The following ZBTB7C variants were observed in gnomAD, a reference collection of about 807,000 sequenced individuals.
ZBTB7C encodes the protein zinc finger and BTB domain-containing protein 7C.
A neutral mutation model predicts 25.7 loss-of-function variants in ZBTB7C; 8 were observed. The ratio of observed to expected loss-of-function variants is 0.31; its 90% CI spans 0.18 to 0.56. ZBTB7C has a LOEUF of 0.56. Among genes scored for constraint, ZBTB7C ranks in the 20% least tolerant of loss-of-function variants. The pLI is 0.91. For missense variants in ZBTB7C, 824 were observed against 855.2 expected (o/e 0.96, Z 0.46); for synonymous variants, 394 against 369.0 (o/e 1.07, Z -0.78).
chr18:48,295,429 A>G (rs2045359314), intron 2 of ZBTB7C, among the ~76,000 whole-genome samples: 2 of 152,094 alleles, frequency 1.3e-5, no homozygotes, highest in Admixed American at 1.3e-4. Flanking sequence ...TCCTTCCAGA[A>G]TGTTTCCTCT....
intron 3 of ZBTB7C, among the ~76,000 whole-genome samples, chr18:48,115,209 A>G (rs990171352): frequency 2.6e-5 from 4 of 151,542 alleles, no homozygotes; most frequent in Admixed American, 2.6e-4. Flanking sequence ...CACTTAGTAC[A>G]GGGTTTTCAA....
At chr18:48,300,173 C>T (rs978836765) in intron 2 of ZBTB7C, among the ~76,000 whole-genome samples, 1 of 152,192 alleles carries the variant, frequency 6.6e-6, no homozygotes, top group African/African-American at 2.4e-5. Context: ...CTGAGCCCCA[C>T]CCAGGTCCAA....
At chr18:48,243,114 A>T (rs1030692445) in intron 2 of ZBTB7C, among the ~76,000 whole-genome samples, 1 of 152,032 alleles carries the variant, frequency 6.6e-6, no homozygotes, top group African/African-American at 2.4e-5. Flanking sequence ...AATGTAAAAA[A>T]TTAGCTGGGC....
At chr18:48,278,543 C>T (rs550917043) in intron 2 of ZBTB7C, among the ~76,000 whole-genome samples, 2 of 152,000 alleles carry the variant, frequency 1.3e-5, no homozygotes, top group East Asian at 3.9e-4. Flanking sequence ...TCAAATAATT[C>T]TCCAGCCTCC....
At chr18:48,305,081 CG>C (rs2045639943) in intron 2 of ZBTB7C, among the ~76,000 whole-genome samples, 4 of 152,222 alleles carry the variant, frequency 2.6e-5, no homozygotes, top group Admixed American at 1.3e-4. Context: ...CCCAGGTGCG[CG>C]GGGCCTGCCA....
At chr18:48,200,318 C>A (rs1008997912) in intron 2 of ZBTB7C, among the ~76,000 whole-genome samples, 2 of 151,984 alleles carry the variant, frequency 1.3e-5, no homozygotes, top group Non-Finnish European at 2.9e-5. Context: ...TATTTAGTGA[C>A]CCACACTCCA....
At chr18:48,044,555 G>T (rs1413316069) in intron 3 of ZBTB7C, among the ~76,000 whole-genome samples, 4 of 152,254 alleles carry the variant, frequency 2.6e-5, no homozygotes, top group Non-Finnish European at 5.9e-5. Flanking sequence ...TGGAGGCCTG[G>T]ATCAGATGGG....
At chr18:48,031,797 G>T (rs572836918) in intron 4 of ZBTB7C, among the ~76,000 whole-genome samples, 4 of 152,340 alleles carry the variant, frequency 2.6e-5, no homozygotes, top group African/African-American at 9.6e-5. Context: ...ACCCAGCTGG[G>T]GAACTTGCCA....
At chr18:48,308,877 T>G (rs2045744029) in intron 2 of ZBTB7C, among the ~76,000 whole-genome samples, 1 of 152,198 alleles carries the variant, frequency 6.6e-6, no homozygotes, top group Non-Finnish European at 1.5e-5. Flanking sequence ...AAGCTGTGTC[T>G]TACCAAGCCC....
rs142085399 is a variant in ZBTB7C at position 48,317,595 on chromosome 18, T to C, written c.-79+20579A>G. The stretch of plus-strand genomic sequence containing the variant: ...GGAGGCACCAGTGTTTTTGGCTGAC[T>C]GGATAGGTTCCTCCTAGGTGGCTGC... On this transcript the variant is annotated intron_variant, in intron 2 of 4. Transcript: ENST00000590800. Among the ~76,000 whole-genome samples, 236 of 152,330 alleles carry C rather than the reference T, an allele frequency of 1.5e-3. 1 individual carries two copies. The highest frequency in any genetic ancestry group is 5.4e-3 in the African/African-American group (225 of 41,588).
intron 2 of ZBTB7C, among the ~76,000 whole-genome samples, chr18:48,238,469 T>C (rs1034880542): frequency 2.0e-5 from 3 of 152,256 alleles, no homozygotes; most frequent in Non-Finnish European, 4.4e-5. Context: ...GCCCAAAGTG[T>C]GTGAGAGGGA....
chr18:48,354,538 C>T (rs191823735), intron 1 of ZBTB7C, among the ~76,000 whole-genome samples: 1 of 152,280 alleles, frequency 6.6e-6, no homozygotes, highest in East Asian at 1.9e-4. Flanking sequence ...TTTCACATCA[C>T]CATCCCCAAA....
chr18:48,358,004 TG>T (rs756405212), intron 1 of ZBTB7C, among the ~76,000 whole-genome samples: 33 of 152,248 alleles, frequency 2.2e-4, no homozygotes, highest in Non-Finnish European at 3.2e-4. Context: ...GCCATCCCCT[TG>T]GTGATAAGTG....
At chr18:48,160,489 C>G (rs1410620737) in intron 3 of ZBTB7C, among the ~76,000 whole-genome samples, 1 of 152,200 alleles carries the variant, frequency 6.6e-6, no homozygotes, top group East Asian at 1.9e-4. Context: ...AGGTCATCTC[C>G]CGCTCTGGGT....
At chr18:48,209,469 G>A (rs1483865910) in intron 2 of ZBTB7C, among the ~76,000 whole-genome samples, 3 of 152,170 alleles carry the variant, frequency 2.0e-5, no homozygotes, top group African/African-American at 7.2e-5. Flanking sequence ...TAAAATGCGA[G>A]TCACTGGCTG....
intron 3 of ZBTB7C, among the ~76,000 whole-genome samples, chr18:48,061,820 G>A (rs889877895): frequency 2.0e-5 from 3 of 152,110 alleles, no homozygotes; most frequent in Non-Finnish European, 2.9e-5. Context: ...ACATCACTAG[G>A]CATTTGGTAT....
At chr18:48,360,316 C>T (rs2047074542) in intron 1 of ZBTB7C, among the ~76,000 whole-genome samples, 1 of 152,180 alleles carries the variant, frequency 6.6e-6, no homozygotes, top group African/African-American at 2.4e-5. Context: ...AGAGGAGACT[C>T]CTGCAGAGTC....
chr18:48,300,867 C>T (rs1343366312), intron 2 of ZBTB7C, among the ~76,000 whole-genome samples: 3 of 152,252 alleles, frequency 2.0e-5, no homozygotes, highest in South Asian at 2.1e-4. Flanking sequence ...AGGACGGCTT[C>T]GCTGCAAAGC....
intron 3 of ZBTB7C, chr18:48,137,410 G>C (rs1394164948): frequency 1.2e-6 from 1 of 818,844 alleles, no homozygotes; most frequent in Non-Finnish European, 1.5e-6. Flanking sequence ...TGTTTTTTGT[G>C]GGTTTCCCCC....
Sources: allele counts gnomAD v4.1 joint callset (sites outside exome capture counted in the v4.1 genomes callset), GRCh38; gene constraint gnomAD v4.1.1; transcripts MANE v1.5; gene names NCBI Gene and HGNC (gene_info 2026-07-23, HGNC 2026-07-21).